ZNF254: variants seen among roughly 807,000 people sequenced by gnomAD.
The protein encoded by ZNF254 is zinc finger protein 254.
Under a neutral mutation model 12.4 loss-of-function variants are expected in ZNF254, and 10 were observed. The ratio of observed to expected loss-of-function variants is 0.80; its 90% CI spans 0.50 to 1.36. The LOEUF (loss-of-function observed/expected upper bound fraction) is 1.36. Ranked by LOEUF, ZNF254 falls within the 40% of genes most tolerant of loss-of-function variation. The probability of loss-of-function intolerance (pLI) is 0.00; values close to 1 mark genes in which losing one functional copy is unlikely to be tolerated. For missense variants in ZNF254, 996 were observed against 763.9 expected (o/e 1.30, Z -3.58); for synonymous variants, 305 against 253.4 (o/e 1.20, Z -1.93).
At chr19:24,118,387 T>C (rs1974254425) in intron 3 of ZNF254, among the ~76,000 whole-genome samples, 1 of 152,104 alleles carries the variant, frequency 6.6e-6, no homozygotes, top group Non-Finnish European at 1.5e-5. Flanking sequence ...ATTAGGTGTT[T>C]TTAAAAAATT....
At chr19:24,041,949 T>C (rs1970183340) in intron 1 of ZNF254, among the ~76,000 whole-genome samples, 1 of 151,782 alleles carries the variant, frequency 6.6e-6, no homozygotes, top group African/African-American at 2.4e-5. Flanking sequence ...GGATTGTAAA[T>C]ACACCAATCA....
intron 2 of ZNF254, among the ~76,000 whole-genome samples, chr19:24,052,401 C>A (rs67822991): frequency 3.3e-5 from 5 of 152,094 alleles, no homozygotes; most frequent in African/African-American, 1.2e-4. Context: ...CCCATGAAAT[C>A]GGAGGCTTCT....
chr19:24,127,814 A>C lies in ZNF254; in HGVS notation c.1814A>C (p.Glu605Ala), dbSNP rs1975003982. 2 of 1,613,086 alleles carry C rather than the reference A, an allele frequency of 1.2e-6. No individual in the cohort carries two copies. The highest frequency in any genetic ancestry group is 2.7e-5 in the African/African-American group (2 of 74,898). ...ACTGGAGTAAAACCCTACAAATGTG[A>C]AGAATGTGGCAAAGCATTTTTCTGG... ...IHTGVKPYKC[E>A]ECGKAFFWSS... is the part of the protein sequence containing the mutation. The change falls in exon 4 of 4, where the codon GAA (glutamate) becomes GCA (alanine). Residue 605 changes from glutamate (E) to alanine (A), a missense_variant. Coordinates refer to ENST00000357002, the MANE Select transcript of ZNF254 (RefSeq NM_203282.4).
intron 1 of ZNF254, among the ~76,000 whole-genome samples, chr19:24,100,588 T>G (rs1972956889): frequency 6.6e-6 from 1 of 152,114 alleles, no homozygotes; most frequent in South Asian, 2.1e-4. Flanking sequence ...GACACTATAT[T>G]CTATACCCTT....
chr19:24,127,212 ACT>A lies in ZNF254; in HGVS notation c.1215_1216del (p.Tyr406GlnfsTer3), dbSNP rs770781674. The A allele has an allele frequency of 5.6e-6, 9 of 1,613,188 alleles. No homozygotes were observed. Among genetic ancestry groups the A allele is most frequent in the Admixed American group, 3.3e-5 (2 of 59,862 alleles). ...THKIIHVGEK[L>X]YKCEECGKGF... Reference sequence around the variant, plus strand: ...ATAAAATAATTCATGTTGGAGAGAAACTCTACAAATGTGAAGAATGCGGCAAA... The same window carrying A: ...ATAAAATAATTCATGTTGGAGAGAAACTACAAATGTGAAGAATGCGGCAAA... On this transcript the variant is annotated frameshift_variant, in exon 4 of 4. Coordinates refer to ENST00000357002, the MANE Select transcript of ZNF254 (RefSeq NM_203282.4). LOFTEE classifies it low-confidence loss of function (END_TRUNC).
At chr19:24,064,854 G>A (rs1025028389) in intron 2 of ZNF254, among the ~76,000 whole-genome samples, 4 of 152,060 alleles carry the variant, frequency 2.6e-5, no homozygotes, top group African/African-American at 7.2e-5. Flanking sequence ...CATGTCTCTG[G>A]GTCCAACAAC....
chr19:24,047,404 T>G (rs900808251), intron 2 of ZNF254, among the ~76,000 whole-genome samples: 1 of 151,758 alleles, frequency 6.6e-6, no homozygotes, highest in South Asian at 2.1e-4. Flanking sequence ...TCTTTCCTAC[T>G]ACATGAGCAT....
At chr19:24,087,453 C>G (rs1468914049) in intron 1 of ZNF254, 116 bp downstream of exon 1, 1 of 1,343,422 alleles carries the variant, frequency 7.4e-7, no homozygotes, top group African/African-American at 1.4e-5. Context: ...CTGCGCCCAG[C>G]TCGACCTCAG....
rs989729747 is a variant in ZNF254 at position 24,126,999 on chromosome 19, G to T, written c.999G>T (p.Trp333Cys). Residue 333 changes from tryptophan (W) to cysteine (C), a missense_variant, in exon 4 of 4, where the codon TGG (tryptophan) becomes TGT (cysteine). By Grantham distance (215) the Trp-to-Cys change is radical (BLOSUM62 -2). Coordinates refer to ENST00000357002, the MANE Select transcript of ZNF254 (RefSeq NM_203282.4). Reference sequence around the variant, plus strand: ...AAGAATGTGGCAAAGCATTTATATGGTCCTCAACACTAACTAGACATAAGA... The same window carrying T: ...AAGAATGTGGCAAAGCATTTATATGTTCCTCAACACTAACTAGACATAAGA... ...KCEECGKAFIWSSTLTRHKRM... is the reference protein window; with the variant it reads ...KCEECGKAFICSSTLTRHKRM... The T allele has an allele frequency of 6.2e-7, 1 of 1,613,216 alleles. No individual in the cohort carries two copies. Among genetic ancestry groups the T allele is most frequent in the Non-Finnish European group, 8.5e-7 (1 of 1,179,776 alleles).
chr19:24,077,897 T>C (rs1051552457), intron 2 of ZNF254, among the ~76,000 whole-genome samples: 1 of 152,144 alleles, frequency 6.6e-6, no homozygotes, highest in Non-Finnish European at 1.5e-5. Flanking sequence ...ATTTGTTTCT[T>C]GTTAATAGTA....
chr19:24,052,327 G>A (rs1382623069), intron 2 of ZNF254, among the ~76,000 whole-genome samples: 1 of 152,216 alleles, frequency 6.6e-6, no homozygotes, highest in African/African-American at 2.4e-5. Context: ...TAGGTGATGT[G>A]ATTCTTTTAT....
rs1555753129 is a variant in ZNF254 at position 24,055,232 on chromosome 19, A to AAAAAAAG, written c.-94+8953_-94+8954insAAAAAAG. Among the ~76,000 whole-genome samples the AAAAAAAG allele has an allele frequency of 3.9e-4, 48 of 122,626 alleles. 1 individual carries two copies. Among genetic ancestry groups the AAAAAAAG allele is most frequent in the Admixed American group, 5.0e-4 (6 of 11,908 alleles). 80.4% of individuals were successfully genotyped at this position (122,626 alleles called of 152,430 possible). A position where few individuals can be genotyped will look rare whatever the true frequency, so the allele number is the denominator to read the frequency against. On this transcript the variant is annotated intron_variant, in intron 2 of 4. Transcript: ENST00000613065. ...AAAAAAAAAAAAAAAAAAAAAAAAA[A>AAAAAAAG]GAGTGTACTAACAAGACCCAGCACA...
intron 2 of ZNF254, among the ~76,000 whole-genome samples, chr19:24,049,203 TATATATATATA>T (rs1402270977): frequency 0.013 from 911 of 68,476 alleles, 31 homozygotes; most frequent in African/African-American, 0.039. Context: ...TATATATATA[TATATATATATA>T]TTTTTTTTTT....
In ZNF254 at chr19:24,045,914, AT is replaced by A. The variant is rs764820066; in HGVS notation, c.-189-268del. ...GAGTTTTGCTTTCAGGAAAAAAAAA[AT>A]TCTAAGTTTGTTGATGTAGAAAAAA... On this transcript the variant is annotated intron_variant, in intron 1 of 4. Transcript: ENST00000613065. Among the ~76,000 whole-genome samples the A allele has an allele frequency of 8.6e-5, 13 of 151,914 alleles. No individual in the cohort carries two copies. In the South Asian group the frequency reaches 1.2e-3, roughly 15 times the overall value.
At chr19:24,036,613 A>G (rs1316395727) in intron 1 of ZNF254, among the ~76,000 whole-genome samples, 3 of 152,122 alleles carry the variant, frequency 2.0e-5, no homozygotes, top group African/African-American at 7.2e-5. Context: ...CTGTTCAGCA[A>G]ACTCCACACA....
At chr19:24,094,480 C>G (rs551229384) in intron 1 of ZNF254, among the ~76,000 whole-genome samples, 4 of 151,996 alleles carry the variant, frequency 2.6e-5, no homozygotes, top group Admixed American at 1.3e-4. Context: ...AGGCTGGTCT[C>G]GAACTTCTGA....
chr19:24,054,603 C>T (rs1335307360), intron 2 of ZNF254, among the ~76,000 whole-genome samples: 1 of 152,176 alleles, frequency 6.6e-6, no homozygotes, highest in African/African-American at 2.4e-5. Context: ...AGGATTATCA[C>T]CCTCACACAG....
intron 1 of ZNF254, chr19:24,104,458 G>T (rs527740557): frequency 6.6e-6 from 1 of 152,072 alleles, no homozygotes. Flanking sequence ...TCAGCTAAAC[G>T]TGTCCCAGAT....
rs767422440 is a variant in ZNF254, at chr19:24,106,003, A to C, written c.94A>C (p.Ile32Leu). ...TCTGGAGGAGTGGCAACACCTGGAC[A>C]TTGCACAGCAGAATTTATATAGAAA... Reference protein sequence around the residue: ...FSLEEWQHLDIAQQNLYRNVM... With the variant: ...FSLEEWQHLDLAQQNLYRNVM... The change falls in exon 2 of 4, where the codon ATT becomes CTT. Residue 32 changes from isoleucine (I) to leucine (L), a missense_variant. Coordinates refer to ENST00000357002, the MANE Select transcript of ZNF254 (RefSeq NM_203282.4). 4 of 1,600,408 alleles carry C rather than the reference A, an allele frequency of 2.5e-6. No individual in the cohort carries two copies. In the African/African-American group the frequency reaches 4.0e-5, roughly 16 times the overall value.
Sources: allele counts gnomAD v4.1 joint callset (sites outside exome capture counted in the v4.1 genomes callset), GRCh38; gene constraint gnomAD v4.1.1; transcripts MANE v1.5; gene names NCBI Gene and HGNC (gene_info 2026-07-23, HGNC 2026-07-21).